Variants in LRP1B observed in about 807,000 individuals in gnomAD.
The protein encoded by LRP1B is low-density lipoprotein receptor-related protein 1B.
A neutral mutation model predicts 556.6 loss-of-function variants in LRP1B; 217 were observed. The observed-to-expected ratio is 0.39, with a 90% confidence interval of 0.35 to 0.44. LRP1B has a LOEUF of 0.44. Ranked by LOEUF, LRP1B falls within the 20% of genes least tolerant of loss-of-function variation. LRP1B has a pLI of 1.00. For synonymous variants in LRP1B, 2,047 were observed against 1,865.8 expected (o/e 1.10, Z -2.50); for missense variants, 5,053 against 5,620.8 (o/e 0.90, Z 3.23).
At chr2:141,228,934 C>A (rs1683357458) in intron 6 of LRP1B, among the ~76,000 whole-genome samples, 1 of 151,938 alleles carries the variant, frequency 6.6e-6, no homozygotes, top group Non-Finnish European at 1.5e-5. Context: ...TCAGGTGACA[C>A]TGTAAAAAGC....
intron 7 of LRP1B, among the ~76,000 whole-genome samples, chr2:141,157,542 T>C (rs556544161): frequency 2.6e-5 from 4 of 152,148 alleles, no homozygotes; most frequent in Admixed American, 1.3e-4. Context: ...TATTGTTTCG[T>C]ACAATATAAA....
At chr2:141,922,890 A>G (rs1700227867) in intron 1 of LRP1B, among the ~76,000 whole-genome samples, 1 of 152,080 alleles carries the variant, frequency 6.6e-6, no homozygotes, top group South Asian at 2.1e-4. Flanking sequence ...ACTTGAACTC[A>G]GGAGTTCAAG....
intron 7 of LRP1B, among the ~76,000 whole-genome samples, chr2:141,104,501 A>C (rs9287304): frequency 0.27 from 41,740 of 151,832 alleles, 6,244 homozygotes; most frequent in East Asian, 0.65. Flanking sequence ...AAAATGACTT[A>C]ATGCCTGTTG....
chr2:141,402,580 A>G lies in LRP1B; in HGVS notation c.343+77816T>C, dbSNP rs984161270. On this transcript the variant is annotated intron_variant, in intron 3 of 90. Coordinates refer to ENST00000389484, the MANE Select transcript of LRP1B (RefSeq NM_018557.3). ...GAAATAAATATTTTACAATGAAACT[A>G]AAAACAAATGAAGACCAAAGTTGTA... Among the ~76,000 whole-genome samples, 7 of 152,278 alleles carry G rather than the reference A, an allele frequency of 4.6e-5. No individual in the cohort carries two copies. In the South Asian group the frequency reaches 1.0e-3, roughly 23 times the overall value.
intron 77 of LRP1B, among the ~76,000 whole-genome samples, chr2:140,345,731 TATATATACATATATATACACATATATAC>T (rs1245021498): frequency 9.0e-4 from 110 of 122,872 alleles, no homozygotes; most frequent in African/African-American, 2.6e-3. Context: ...TATATACACA[TATATATACATATATATACACATATATAC>T]ATATATACAC....
intron 43 of LRP1B, among the ~76,000 whole-genome samples, chr2:140,559,206 GT>G (rs200924934): frequency 4.2e-4 from 64 of 150,590 alleles, no homozygotes; most frequent in Non-Finnish European, 6.7e-4. Flanking sequence ...TAAATTAACT[GT>G]TTTTTTTTAA....
chr2:141,177,857 A>G (rs1171622188), intron 7 of LRP1B, among the ~76,000 whole-genome samples: 1 of 152,150 alleles, frequency 6.6e-6, no homozygotes, highest in Non-Finnish European at 1.5e-5. Context: ...TCTCAATTAA[A>G]TAGAGTTAGC....
In LRP1B at chr2:140,776,024, G is replaced by C. The variant is rs764450057; in HGVS notation, c.5500+74C>G. Reference sequence around the variant, plus strand: ...GCAAGAATAGAAACCTTTTATTGTTGAATTGAGGAGCTAATATAAAAAAGA... The same window carrying C: ...GCAAGAATAGAAACCTTTTATTGTTCAATTGAGGAGCTAATATAAAAAAGA... On this transcript the variant is annotated intron_variant, in intron 33 of 90. Coordinates refer to ENST00000389484, the MANE Select transcript of LRP1B (RefSeq NM_018557.3). The C allele has an allele frequency of 2.1e-4, 258 of 1,215,018 alleles. No individual in the cohort carries two copies. In the Middle Eastern group the frequency reaches 4.0e-3, roughly 19 times the overall value. 75.3% of individuals were successfully genotyped at this position (1,215,018 alleles called of 1,614,324 possible).
intron 2 of LRP1B, among the ~76,000 whole-genome samples, chr2:141,679,009 C>T (rs984585996): frequency 1.3e-5 from 2 of 152,136 alleles, no homozygotes; most frequent in Admixed American, 1.3e-4. Context: ...TATTCTCTTG[C>T]TCATGCTTTC....
intron 2 of LRP1B, among the ~76,000 whole-genome samples, chr2:141,628,044 A>AC (rs1688764843): frequency 6.6e-6 from 1 of 152,226 alleles, no homozygotes; most frequent in African/African-American, 2.4e-5. Flanking sequence ...ATTCAAAGAT[A>AC]ATCCACAGTT....
chr2:140,319,216 T>TA (rs1342541239), intron 82 of LRP1B, among the ~76,000 whole-genome samples: 1 of 151,974 alleles, frequency 6.6e-6, no homozygotes, highest in African/African-American at 2.4e-5. Context: ...GAGGATTACA[T>TA]AAAAGAGGAA....
At chr2:141,672,965 T>G (rs1232029300) in intron 2 of LRP1B, among the ~76,000 whole-genome samples, 1 of 152,134 alleles carries the variant, frequency 6.6e-6, no homozygotes. Flanking sequence ...TTTACAGACT[T>G]GTACTCAGAA....
chr2:141,302,760 T>C lies in LRP1B; in HGVS notation c.344-48119A>G, dbSNP rs182651914. On this transcript the variant is annotated intron_variant, in intron 3 of 90. Transcript: ENST00000389484. ...TCTGTAAAGCTAATTGTACCATATATCAATGTCAAATCTATTTGGATAGAT... is the reference window on the plus strand; with the variant it reads ...TCTGTAAAGCTAATTGTACCATATACCAATGTCAAATCTATTTGGATAGAT... 1.6e-3 allele frequency among the ~76,000 whole-genome samples: 239 copies of C among 152,222 alleles called. 1 individual carries two copies. The highest frequency in any genetic ancestry group is 2.6e-3 in the Admixed American group (39 of 15,284).
At chr2:141,777,535 C>T (rs1695117674) in intron 2 of LRP1B, among the ~76,000 whole-genome samples, 1 of 152,040 alleles carries the variant, frequency 6.6e-6, no homozygotes, top group Admixed American at 6.6e-5. Context: ...CCTGTCTCAG[C>T]CTCCCAAGTA....
At chr2:141,316,774 G>A (rs1398121719) in intron 3 of LRP1B, among the ~76,000 whole-genome samples, 2 of 152,168 alleles carry the variant, frequency 1.3e-5, no homozygotes, top group Non-Finnish European at 2.9e-5. Context: ...TGGCTTTCCC[G>A]CCATGGGGGG....
chr2:140,444,868 G>A (rs765257511), intron 63 of LRP1B, among the ~76,000 whole-genome samples, 189 bp from the exon 64 acceptor site: 10 of 151,992 alleles, frequency 6.6e-5, no homozygotes, highest in Non-Finnish European at 1.0e-4. Flanking sequence ...ATGGCCTCCA[G>A]ATAACATTTA....
chr2:142,123,958 A>G (rs13430001), intron 1 of LRP1B, among the ~76,000 whole-genome samples: 43,402 of 151,186 alleles, frequency 0.29, 6,718 homozygotes, highest in South Asian at 0.47. Context: ...TGCAATATTT[A>G]AGAAGAAATC....
chr2:141,131,431 T>TATATATATATATATATATATATATA (rs1701353649), intron 7 of LRP1B, among the ~76,000 whole-genome samples: 1 of 30,626 alleles, frequency 3.3e-5, no homozygotes, highest in Non-Finnish European at 6.9e-5. Flanking sequence ...ATATATATAT[T>TATATATATATATATATATATATATA]TGCTCTTAGA....
At chr2:141,904,536 T>C (rs1270578213) in intron 1 of LRP1B, among the ~76,000 whole-genome samples, 2 of 151,934 alleles carry the variant, frequency 1.3e-5, no homozygotes, top group Admixed American at 6.6e-5. Context: ...CTATTCTTTA[T>C]ACAAGTGAAG....
Sources: gnomAD v4.1 joint callset for allele counts (sites outside exome capture counted in the v4.1 genomes callset) on GRCh38, gnomAD v4.1.1 for gene constraint, MANE v1.5 for transcripts, NCBI Gene and HGNC (gene_info 2026-07-23, HGNC 2026-07-21) for gene names.